KLHL29: variants seen among roughly 807,000 people sequenced by gnomAD.
KLHL29 encodes the protein kelch-like protein 29.
KLHL29 carries 21 observed loss-of-function variants against 80.4 expected under a neutral mutation model. The observed-to-expected ratio is 0.26, with a 90% confidence interval of 0.19 to 0.38. The LOEUF (loss-of-function observed/expected upper bound fraction) is 0.38, where lower values mean the gene tolerates loss of function less well. KLHL29 is among the 10% of genes least tolerant of loss of function. The pLI is 1.00. For missense variants in KLHL29, 867 were observed against 1,223.9 expected (o/e 0.71, Z 4.35); for synonymous variants, 511 against 526.8 (o/e 0.97, Z 0.41).
chr2:23,665,669 A>C (rs758977452), intron 5 of KLHL29, among the ~76,000 whole-genome samples: 3 of 152,110 alleles, frequency 2.0e-5, no homozygotes, highest in Non-Finnish European at 4.4e-5. Flanking sequence ...GGCAGCTTCC[A>C]CTCATGGTGG....
At chr2:23,564,734 C>T (rs1039434652) in intron 3 of KLHL29, among the ~76,000 whole-genome samples, 15 of 152,354 alleles carry the variant, frequency 9.8e-5, no homozygotes, top group African/African-American at 2.4e-4. Flanking sequence ...GCGGTTTCCC[C>T]GGTCAACAAT....
Position 23,626,220 on chromosome 2 carries a change from A to G in KLHL29, c.286-12919A>G, listed in dbSNP as rs143483220. Among the ~76,000 whole-genome samples, 64 of 152,304 alleles carry G rather than the reference A, an allele frequency of 4.2e-4. 1 individual carries two copies. In the East Asian group the frequency reaches 0.01, roughly 25 times the overall value. On this transcript the variant is annotated intron_variant, in intron 3 of 13. Transcript: ENST00000486442. ...AGTTCACAACAGGGTTCGTGCTCCT[A>G]TGGGAATCTCATGCCGCCACTGATC...
chr2:23,594,559 T>C (rs1053598045), intron 3 of KLHL29, among the ~76,000 whole-genome samples: 1 of 152,230 alleles, frequency 6.6e-6, no homozygotes, highest in African/African-American at 2.4e-5. Context: ...TGCCGTTTTC[T>C]CTGTCCCCTG....
At chr2:23,471,401 A>T (rs1465561536) in intron 1 of KLHL29, among the ~76,000 whole-genome samples, 18 of 152,300 alleles carry the variant, frequency 1.2e-4, no homozygotes, top group African/African-American at 4.3e-4. Flanking sequence ...GGTTCATGTT[A>T]GGAACTATCT....
intron 2 of KLHL29, among the ~76,000 whole-genome samples, chr2:23,544,875 G>A (rs1666942169): frequency 6.6e-6 from 1 of 152,154 alleles, no homozygotes; most frequent in Non-Finnish European, 1.5e-5. Context: ...AGAGGGGAGT[G>A]AGCACCAGGG....
Position 23,592,867 on chromosome 2 carries a change from G to A in KLHL29, c.285+30386G>A, listed in dbSNP as rs539453078. On this transcript the variant is annotated intron_variant, in intron 3 of 13. Transcript: ENST00000486442. Reference sequence around the variant, plus strand: ...GCTGGTGTCCCCTCCCTGCAGGCACGTTGGTCCAGGAACTTTACACTTGAC... The same window carrying A: ...GCTGGTGTCCCCTCCCTGCAGGCACATTGGTCCAGGAACTTTACACTTGAC... 3.6e-4 allele frequency among the ~76,000 whole-genome samples: 55 copies of A among 152,292 alleles called. 1 individual carries two copies. Among genetic ancestry groups the A allele is most frequent in the South Asian group, 1.9e-3 (9 of 4,828 alleles).
At chr2:23,440,439 C>T (rs1663482586) in intron 1 of KLHL29, among the ~76,000 whole-genome samples, 1 of 152,110 alleles carries the variant, frequency 6.6e-6, no homozygotes, top group African/African-American at 2.4e-5. Flanking sequence ...ATGTCTAAAA[C>T]ACCAAAAGCA....
intron 2 of KLHL29, among the ~76,000 whole-genome samples, chr2:23,487,234 TC>T: frequency 6.6e-6 from 1 of 152,224 alleles, no homozygotes; most frequent in Admixed American, 6.5e-5. Context: ...AGGAGGTACT[TC>T]CTAGAGGCCA....
At chr2:23,650,663 CCT>C (rs1670065000) in intron 5 of KLHL29, among the ~76,000 whole-genome samples, 1 of 152,182 alleles carries the variant, frequency 6.6e-6, no homozygotes, top group South Asian at 2.1e-4. Flanking sequence ...GCCATTAACC[CCT>C]GACAGGGAAA....
Position 23,479,642 on chromosome 2 carries a change from C to T in KLHL29, c.-46+3975C>T, listed in dbSNP as rs138078703. Among the ~76,000 whole-genome samples the T allele has an allele frequency of 4.6e-3, 702 of 151,802 alleles. 8 individuals carry two copies. Among genetic ancestry groups the T allele is most frequent in the African/African-American group, 0.016 (667 of 41,546 alleles). On this transcript the variant is annotated intron_variant, in intron 2 of 13. Transcript: ENST00000486442. ...CGGACCATTTCTCCAGTGGCTCATG[C>T]GTAGCAGATCCCTGCTGTCTGATTC...
intron 2 of KLHL29, among the ~76,000 whole-genome samples, chr2:23,498,275 A>T (rs1368081): frequency 0.69 from 105,166 of 152,130 alleles, 36,683 homozygotes; most frequent in African/African-American, 0.78. Context: ...AGTCTGAGAT[A>T]TGAGCAGCAG....
chr2:23,467,198 T>C (rs2103432409), intron 1 of KLHL29, among the ~76,000 whole-genome samples: 2 of 152,340 alleles, frequency 1.3e-5, no homozygotes, highest in South Asian at 4.1e-4. Flanking sequence ...GCTGGCCTCC[T>C]TTCCAGAAGA....
chr2:23,523,677 C>T lies in KLHL29; in HGVS notation c.-45-38475C>T, dbSNP rs71437492. Among the ~76,000 whole-genome samples the T allele has an allele frequency of 9.9e-3, 1,505 of 152,282 alleles. 16 individuals are homozygous for T. The highest frequency in any genetic ancestry group is 0.017 in the Non-Finnish European group (1,146 of 68,012). ...CTTTGCCATTATTCAGTTCAACAAA[C>T]ATTGAGGAAGTACCTACTGTGTGCA... On this transcript the variant is annotated intron_variant, in intron 2 of 13. Coordinates refer to ENST00000486442, the MANE Select transcript of KLHL29 (RefSeq NM_052920.2).
chr2:23,567,463 C>T (rs772351826), intron 3 of KLHL29, among the ~76,000 whole-genome samples: 1 of 152,202 alleles, frequency 6.6e-6, no homozygotes, highest in African/African-American at 2.4e-5. Flanking sequence ...CAGGCTTCAT[C>T]GTCAACACTC....
chr2:23,677,587 AG>A (rs1322077750), intron 5 of KLHL29, among the ~76,000 whole-genome samples: 1 of 152,194 alleles, frequency 6.6e-6, no homozygotes, highest in African/African-American at 2.4e-5. Flanking sequence ...CTTGGCCTTC[AG>A]GGTTTATTCT....
intron 2 of KLHL29, among the ~76,000 whole-genome samples, chr2:23,537,578 A>C (rs1300344858): frequency 6.6e-6 from 1 of 152,178 alleles, no homozygotes; most frequent in Admixed American, 6.5e-5. Flanking sequence ...TTATAACCAT[A>C]CAAGATACTA....
At chr2:23,516,718 C>T (rs62125400) in intron 2 of KLHL29, among the ~76,000 whole-genome samples, 13,410 of 152,304 alleles carry the variant, frequency 0.088, 851 homozygotes, top group Non-Finnish European at 0.13. Flanking sequence ...GAAGTGGACC[C>T]TCGAGCCGGT....
rs1558446586 is a variant in KLHL29, at chr2:23,696,139, G to GC, written c.1924+12dup. ...GGACAACATCTACCTCTCAGGTGAG[G>GC]CCCCCCGGGGTTGGGGCGGGACCAG... On this transcript the variant is annotated splice_region_variant and intron_variant, in intron 10 of 13. Transcript: ENST00000486442. This position sits in a 1 kb window ranked among gnomAD's most constrained non-coding sequence, Gnocchi z 5.5. The GC allele has an allele frequency of 1.2e-5, 19 of 1,550,100 alleles. No homozygotes were observed. Among genetic ancestry groups the GC allele is most frequent in the Non-Finnish European group, 1.4e-5 (16 of 1,145,986 alleles).
chr2:23,628,861 C>T (rs1472297413), intron 3 of KLHL29, among the ~76,000 whole-genome samples: 1 of 151,752 alleles, frequency 6.6e-6, no homozygotes, highest in Non-Finnish European at 1.5e-5. Flanking sequence ...TGTGCGTCTG[C>T]GAGTCTACAG....
Sources: gnomAD v4.1 joint callset for allele counts (sites outside exome capture counted in the v4.1 genomes callset) on GRCh38, gnomAD v4.1.1 for gene constraint, Gnocchi (gnomAD v3.1) non-coding constraint, MANE v1.5 for transcripts, NCBI Gene and HGNC (gene_info 2026-07-23, HGNC 2026-07-21) for gene names.